Variants in STAB2 observed in about 807,000 individuals in gnomAD.
The protein encoded by STAB2 is stabilin 2, also known as stabilin-2.
In STAB2, 288 loss-of-function variants were observed where a neutral mutation model predicts 338.1. The ratio of observed to expected loss-of-function variants is 0.85; its 90% CI spans 0.77 to 0.94. The LOEUF is 0.94. STAB2 is among the 40% of genes least tolerant of loss of function. STAB2 has a pLI of 0.00. For missense variants in STAB2, 3,141 were observed against 3,210.1 expected (o/e 0.98, Z 0.52); for synonymous variants, 1,202 against 1,193.3 (o/e 1.01, Z -0.15).
intron 9 of STAB2, among the ~76,000 whole-genome samples, chr12:103,642,344 G>C (rs1408927861): frequency 1.3e-5 from 2 of 152,166 alleles, no homozygotes; most frequent in African/African-American, 4.8e-5. Flanking sequence ...AAATAGCCAG[G>C]ACACGGCTGA....
At chr12:103,690,010 C>A (rs201216601) in intron 29 of STAB2, 28 bp downstream of exon 29, 3 of 1,605,576 alleles carry the variant, frequency 1.9e-6, no homozygotes, top group South Asian at 1.1e-5. Flanking sequence ...TATTTTACAT[C>A]GTATCTGAAT....
At chr12:103,717,164 G>A (rs1251995117) in intron 43 of STAB2, among the ~76,000 whole-genome samples, 1 of 152,176 alleles carries the variant, frequency 6.6e-6, no homozygotes, top group East Asian at 1.9e-4. Context: ...GTGTGAGCTG[G>A]GCTTCAGCCC....
chr12:103,630,234 C>T (rs745962941), intron 5 of STAB2, among the ~76,000 whole-genome samples: 1 of 151,880 alleles, frequency 6.6e-6, no homozygotes, highest in Non-Finnish European at 1.5e-5. Context: ...AAGAATGGCA[C>T]CAGTGGAGAT....
chr12:103,655,284 A>T lies in STAB2; in HGVS notation c.1585A>T (p.Ser529Cys), dbSNP rs755502644. 1 of 1,613,392 alleles carries T rather than the reference A, an allele frequency of 6.2e-7. No individual in the cohort carries two copies. Among genetic ancestry groups the T allele is most frequent in the Admixed American group, 1.7e-5 (1 of 59,910 alleles). ...AATGACAATGCTACAACCAAGGTAC[A>T]GCAAGTTCAGATCTTTGTTAGAGGT... Reference protein sequence around the residue: ...TIMTMLQPRYSKFRSLLEETN... With the variant: ...TIMTMLQPRYCKFRSLLEETN... The change falls in exon 14 of 69, where the codon AGC becomes TGC. Residue 529 changes from serine (S) to cysteine (C), a missense_variant. Coordinates refer to ENST00000388887, the MANE Select transcript of STAB2 (RefSeq NM_017564.10).
intron 40 of STAB2, among the ~76,000 whole-genome samples, chr12:103,711,810 A>T (rs1879887866): frequency 6.6e-6 from 1 of 152,226 alleles, no homozygotes; most frequent in Admixed American, 6.5e-5. Flanking sequence ...AGTGGGCCTC[A>T]GTTTCCATAA....
rs149847796 is a variant in STAB2, at chr12:103,755,753, G to A, written c.6987+35G>A. 2.1e-5 allele frequency: 34 copies of A among 1,607,496 alleles called. No individual in the cohort carries two copies. The South Asian group carries it at 2.6e-4, about 12-fold the overall frequency. ...ATGTCTGCTTGGTTTGCCTCAGGCA[G>A]GGAGGGGTTGCCTCAAAGCAGGTAT... On this transcript the variant is annotated intron_variant, in intron 63 of 68. Coordinates refer to ENST00000388887, the MANE Select transcript of STAB2 (RefSeq NM_017564.10).
At chr12:103,743,571 C>CA (rs1882762189) in intron 56 of STAB2, among the ~76,000 whole-genome samples, 1 of 152,190 alleles carries the variant, frequency 6.6e-6, no homozygotes, top group African/African-American at 2.4e-5. Context: ...GCAGGCCAAT[C>CA]AAACTTTCGG....
intron 3 of STAB2, among the ~76,000 whole-genome samples, chr12:103,610,440 A>T (rs1070078): frequency 0.39 from 60,038 of 152,002 alleles, 13,324 homozygotes; most frequent in East Asian, 0.62. Flanking sequence ...CGAGGAATTT[A>T]TCCATTTCTT....
chr12:103,587,614 G>C lies in STAB2; in HGVS notation c.81+57G>C. ...GTTAATTGTCATGATATGTTCAAAA[G>C]CTTGTCGTTTTCCTCTGTTGTTATG... On this transcript the variant is annotated intron_variant, in intron 1 of 68. Coordinates refer to ENST00000388887, the MANE Select transcript of STAB2 (RefSeq NM_017564.10). 2.1e-6 allele frequency: 3 copies of C among 1,455,146 alleles called. 1 individual carries two copies. The highest frequency in any genetic ancestry group is 2.4e-5 in the South Asian group (2 of 84,084). The allele number at this position is 1,455,146 out of a possible 1,614,324, so 90.1% of individuals were successfully genotyped here. A position where few individuals can be genotyped will look rare whatever the true frequency, so the allele number is the denominator to read the frequency against.
At chr12:103,611,603 C>A (rs762839827) in intron 3 of STAB2, among the ~76,000 whole-genome samples, 7 of 152,126 alleles carry the variant, frequency 4.6e-5, no homozygotes, top group Non-Finnish European at 1.0e-4. Flanking sequence ...AGATGGGTTT[C>A]CTGAGTACAG....
Position 103,590,914 on chromosome 12 carries a change from G to T in STAB2, c.99G>T (p.Arg33Ser), listed in dbSNP as rs149875382. The T allele has an allele frequency of 2.4e-5, 38 of 1,613,950 alleles. No homozygotes were observed. In the African/African-American group the frequency reaches 4.8e-4, roughly 20 times the overall value. ...TTACACAGGCAAGAAGATGTGATAG[G>T]AAGTCTCTTCTTACAATTAGGACCG... ...ETTGQARRCDRKSLLTIRTEC... is the reference protein window; with the variant it reads ...ETTGQARRCDSKSLLTIRTEC... The change falls in exon 2 of 69, where the codon AGG (arginine) becomes AGT (serine). Residue 33 changes from arginine (R) to serine (S), a missense_variant. By Grantham distance (110) the Arg-to-Ser change is moderately radical. Coordinates refer to ENST00000388887, the MANE Select transcript of STAB2 (RefSeq NM_017564.10).
At chr12:103,609,898 G>C (rs563724639) in intron 3 of STAB2, among the ~76,000 whole-genome samples, 22 of 152,254 alleles carry the variant, frequency 1.4e-4, no homozygotes, top group Non-Finnish European at 2.2e-4. Flanking sequence ...TTGCATGAAG[G>C]GCTGTTGAAT....
intron 12 of STAB2, among the ~76,000 whole-genome samples, chr12:103,653,176 C>T (rs1182855717): frequency 1.3e-5 from 2 of 152,078 alleles, no homozygotes; most frequent in South Asian, 2.1e-4. Context: ...CATCCTCCCC[C>T]ACCCCACCCC....
Position 103,690,443 on chromosome 12 carries a change from A to G in STAB2, c.3202A>G (p.Thr1068Ala), listed in dbSNP as rs895629998. The stretch of plus-strand genomic sequence containing the variant: ...TTTCAGGTACCATATGCTACTAGGC[A>G]CATACAGAGTGGCAGATCTGCAGAC... The part of the protein sequence containing the change: ...ALIKYHMLLG[T>A]YRVADLQTLS... The change falls in exon 30 of 69, where the codon ACA (threonine) becomes GCA (alanine). Residue 1068 changes from threonine (T) to alanine (A), a missense_variant. By Grantham distance (58) the Thr-to-Ala change is moderately conservative. Coordinates refer to ENST00000388887, the MANE Select transcript of STAB2 (RefSeq NM_017564.10). 1 of 1,613,926 alleles carries G rather than the reference A, an allele frequency of 6.2e-7. No individual in the cohort carries two copies. Among genetic ancestry groups the G allele is most frequent in the Non-Finnish European group, 8.5e-7 (1 of 1,179,894 alleles).
intron 3 of STAB2, among the ~76,000 whole-genome samples, chr12:103,600,790 TCCAG>T (rs1313408980): frequency 3.7e-5 from 3 of 81,204 alleles, no homozygotes; most frequent in African/African-American, 3.1e-4. Flanking sequence ...AGATAGCATA[TCCAG>T]CCAGCATATG....
intron 18 of STAB2, among the ~76,000 whole-genome samples, chr12:103,663,918 G>C (rs1476929721): frequency 6.6e-6 from 1 of 152,082 alleles, no homozygotes; most frequent in Non-Finnish European, 1.5e-5. Context: ...CTGTCATCTG[G>C]GACCACTTGC....
intron 30 of STAB2, among the ~76,000 whole-genome samples, chr12:103,692,395 CA>C (rs1404733851): frequency 1.6e-5 from 2 of 124,976 alleles, no homozygotes; most frequent in Non-Finnish European, 3.7e-5. Context: ...ATTGTGGGGG[CA>C]GGGGGGGACA....
intron 7 of STAB2, 80 bp from the exon 8 acceptor site, chr12:103,637,936 A>G: frequency 7.0e-7 from 1 of 1,433,594 alleles, no homozygotes; most frequent in Non-Finnish European, 9.6e-7. Flanking sequence ...TGAGGTTTTG[A>G]TCCACTGTTG....
intron 51 of STAB2, among the ~76,000 whole-genome samples, chr12:103,734,030 A>ACAAGCGCGATCATATGGGAG (rs1349008718): frequency 3.3e-5 from 5 of 150,452 alleles, no homozygotes; most frequent in East Asian, 2.0e-4. Context: ...TCATATAGGA[A>ACAAGCGCGATCATATGGGAG]CAAGCGCGAT....
Sources: gnomAD v4.1 joint callset for allele counts (sites outside exome capture counted in the v4.1 genomes callset) on GRCh38, gnomAD v4.1.1 for gene constraint, MANE v1.5 for transcripts, NCBI Gene and HGNC (gene_info 2026-07-23, HGNC 2026-07-21) for gene names.